SEC61A1: variants seen among roughly 807,000 people sequenced by gnomAD.
SEC61A1 encodes SEC61 translocon subunit alpha 1.
A neutral mutation model predicts 55.2 loss-of-function variants in SEC61A1; 15 were observed. The ratio of observed to expected loss-of-function variants is 0.27; its 90% CI spans 0.18 to 0.42. SEC61A1 has a LOEUF of 0.42. SEC61A1 is among the 10% of genes least tolerant of loss of function. The pLI is 1.00. For synonymous variants in SEC61A1, 247 were observed against 234.0 expected (o/e 1.06, Z -0.51); for missense variants, 284 against 602.6 (o/e 0.47, Z 5.53).
chr3:128,052,771 T>C (rs1941709320), intron 1 of SEC61A1, 64 bp from the exon 2 acceptor site: 1 of 1,549,198 alleles, frequency 6.5e-7, no homozygotes, highest in Non-Finnish European at 8.9e-7. Flanking sequence ...AAGGCGTCCC[T>C]GGGTAGCGCG....
intron 6 of SEC61A1, 73 bp from the exon 7 acceptor site, chr3:128,060,435 C>A: frequency 6.7e-7 from 1 of 1,498,644 alleles, no homozygotes; most frequent in Non-Finnish European, 9.2e-7. Context: ...ATCAGAGAAC[C>A]CAATTACTGA....
rs1370739274 is a variant in SEC61A1, at chr3:128,066,584, G to A, written c.778-370G>A. ...ACTACAGGCGCGCACCACCACACCC[G>A]GCCAGTTTTGTTTATTTTTTGTAGA... is the stretch of plus-strand genomic sequence containing the variant. On this transcript the variant is annotated intron_variant, in intron 8 of 11. Transcript: ENST00000243253. The A allele has an allele frequency of 2.2e-5, 5 of 228,358 alleles. No homozygotes were observed. The East Asian group carries it at 4.7e-4, about 21-fold the overall frequency. The allele number at this position is 228,358 out of a possible 1,614,324, so 14.1% of individuals were successfully genotyped here. A position where few individuals can be genotyped will look rare whatever the true frequency, so the allele number is the denominator to read the frequency against.
intron 8 of SEC61A1, among the ~76,000 whole-genome samples, chr3:128,066,322 G>A (rs1941976415): frequency 6.6e-6 from 1 of 152,086 alleles, no homozygotes; most frequent in Non-Finnish European, 1.5e-5. Context: ...TGGCCTCCAG[G>A]CTTTTCTCCA....
intron 7 of SEC61A1, among the ~76,000 whole-genome samples, chr3:128,063,919 A>T (rs1406687971): frequency 6.6e-6 from 1 of 151,876 alleles, no homozygotes; most frequent in Non-Finnish European, 1.5e-5. Flanking sequence ...CTCACTTGTT[A>T]CTCTGTTGTC....
intron 8 of SEC61A1, chr3:128,065,383 G>A: frequency 1.8e-6 from 1 of 553,508 alleles, no homozygotes; most frequent in Non-Finnish European, 3.2e-6. Flanking sequence ...TAGAAAGTTT[G>A]TATGATATTT....
Position 128,052,440 on chromosome 3 carries a change from G to C in SEC61A1, c.-113G>C. On this transcript the variant is annotated 5_prime_UTR_variant, in exon 1 of 12. Transcript: ENST00000243253. ...CGCTTGCCGCCGGGCTAGCACTGAC[G>C]TGTCTCTCGGCGGAGCTGCTGTGCA... is the stretch of plus-strand genomic sequence containing the variant. 7.0e-7 allele frequency: 1 copy of C among 1,419,786 alleles called. No homozygotes were observed. Among genetic ancestry groups the C allele is most frequent in the Non-Finnish European group, 9.2e-7 (1 of 1,083,854 alleles). 87.9% of individuals were successfully genotyped at this position (1,419,786 alleles called of 1,614,324 possible). A position where few individuals can be genotyped will look rare whatever the true frequency, so the allele number is the denominator to read the frequency against.
rs145595955 is a variant in SEC61A1, at chr3:128,070,364, C to T, written c.*702C>T. The T allele has an allele frequency of 1.3e-5, 2 of 152,360 alleles. No homozygotes were observed. The highest frequency in any genetic ancestry group is 1.3e-4 in the Admixed American group (2 of 15,304). 9.4% of individuals were successfully genotyped at this position (152,360 alleles called of 1,614,324 possible). On this transcript the variant is annotated 3_prime_UTR_variant, in exon 12 of 12. Coordinates refer to ENST00000243253, the MANE Select transcript of SEC61A1 (RefSeq NM_013336.4). ...AGAGTCTGCCTGTTTCTGCTAGCTC[C>T]GTGTTTAGTCCACTTGGGTCATCAG... is the stretch of plus-strand genomic sequence containing the variant.
At chr3:128,063,634 T>C (rs1941885436) in intron 7 of SEC61A1, among the ~76,000 whole-genome samples, 1 of 152,080 alleles carries the variant, frequency 6.6e-6, no homozygotes, top group Non-Finnish European at 1.5e-5. Flanking sequence ...CACGCCCGAC[T>C]CCTATTTGAC....
At position 128,067,175 on chromosome 3, in the gene SEC61A1, G is replaced by A; in HGVS notation, c.975+24G>A. On this transcript the variant is annotated intron_variant, in intron 9 of 11. Coordinates refer to ENST00000243253, the MANE Select transcript of SEC61A1 (RefSeq NM_013336.4). The surrounding 1 kb of genome is among the most constrained non-coding windows in gnomAD (Gnocchi z 4.1). ...CGGTAAGTAGGCTCTTTGAAGATGA[G>A]CTAGCAATGCAGCTAAGTTGCAGTG... 5.0e-6 allele frequency: 8 copies of A among 1,605,128 alleles called. No individual in the cohort carries two copies. Among genetic ancestry groups the A allele is most frequent in the Non-Finnish European group, 6.8e-6 (8 of 1,171,830 alleles).
chr3:128,057,444 G>A (rs547990600), intron 5 of SEC61A1, among the ~76,000 whole-genome samples: 22 of 152,308 alleles, frequency 1.4e-4, no homozygotes, highest in Non-Finnish European at 8.8e-5. Context: ...AGCACCCTTG[G>A]CCACCATTTC....
chr3:128,054,172 C>CTG (rs1265857381), intron 2 of SEC61A1, among the ~76,000 whole-genome samples: 1 of 152,122 alleles, frequency 6.6e-6, no homozygotes, highest in Non-Finnish European at 1.5e-5. Flanking sequence ...AGAGGATGAA[C>CTG]TGTGGTACTG....
intron 5 of SEC61A1, among the ~76,000 whole-genome samples, chr3:128,059,787 C>T (rs1941827659): frequency 6.6e-6 from 1 of 152,128 alleles, no homozygotes; most frequent in Non-Finnish European, 1.5e-5. Context: ...GGAGTAGGTT[C>T]TACTCCCTGA....
At position 128,067,401 on chromosome 3, in the gene SEC61A1, T is replaced by C. The variant is rs755879627; in HGVS notation, c.976-20T>C. 6.2e-7 allele frequency: 1 copy of C among 1,602,054 alleles called. No homozygotes were observed. On this transcript the variant is annotated intron_variant, in intron 9 of 11. Coordinates refer to ENST00000243253, the MANE Select transcript of SEC61A1 (RefSeq NM_013336.4). This position sits in a 1 kb window ranked among gnomAD's most constrained non-coding sequence, Gnocchi z 4.1. ...TAAAATGAAGGAGCACTCACATGCG[T>C]TTGGTTTCTTCTTCCCCAGGACACG...
intron 4 of SEC61A1, 33 bp downstream of exon 4, chr3:128,055,784 G>A (rs1941761306): frequency 5.2e-6 from 8 of 1,547,096 alleles, no homozygotes; most frequent in Non-Finnish European, 7.1e-6. Context: ...TCTCTGTAGA[G>A]TGTAGGCTTA....
At chr3:128,060,805 CAA>C in intron 7 of SEC61A1, 144 bp downstream of exon 7, 1 of 819,758 alleles carries the variant, frequency 1.2e-6, no homozygotes, top group Admixed American at 3.2e-5. Context: ...GGTCCATCTG[CAA>C]AGTTTTAAAA....
rs147461692 is a variant in SEC61A1 at position 128,069,515 on chromosome 3, C to T, written c.1284C>T (p.Ile428=). 40 of 1,613,494 alleles carry T rather than the reference C, an allele frequency of 2.5e-5. No individual in the cohort carries two copies. Among genetic ancestry groups the T allele is most frequent in the African/African-American group, 5.3e-5 (4 of 74,932 alleles). Residue 428 remains isoleucine, a synonymous_variant, in exon 12 of 12, where the codon ATC becomes ATT. Coordinates refer to ENST00000243253, the MANE Select transcript of SEC61A1 (RefSeq NM_013336.4). ...CCGCGGCCTTTGGTGGGCTGTGCAT[C>T]GGGGCCCTCTCGGTCCTGGCTGACT... ...PTAAAFGGLC[I]GALSVLADFL...
chr3:128,062,162 T>C (rs1396560598), intron 7 of SEC61A1, among the ~76,000 whole-genome samples: 2 of 152,168 alleles, frequency 1.3e-5, no homozygotes, highest in Non-Finnish European at 2.9e-5. Flanking sequence ...TTGAAGTCAG[T>C]GTGTCTACAT....
At position 128,067,150 on chromosome 3, in the gene SEC61A1, C is replaced by T. The variant is rs1559798784; in HGVS notation, c.974C>T (p.Ser325Leu). ...CTGGTCAGCCTGCTGGGCACCTGGT[C>T]GGTAAGTAGGCTCTTTGAAGATGAG... is the stretch of plus-strand genomic sequence containing the variant. ...NLLVSLLGTW[S>L]DTSSGGPARA... Residue 325 changes from serine to leucine, a missense_variant and splice_region_variant, in exon 9 of 12, where the codon TCG becomes TTG. Transcript: ENST00000243253. The surrounding 1 kb of genome is among the most constrained non-coding windows in gnomAD (Gnocchi z 4.1). The T allele has an allele frequency of 2.5e-6, 4 of 1,613,872 alleles. No homozygotes were observed. The South Asian group carries it at 3.3e-5, about 13-fold the overall frequency.
intron 5 of SEC61A1, among the ~76,000 whole-genome samples, chr3:128,058,490 A>G (rs1941806634): frequency 6.6e-6 from 1 of 152,202 alleles, no homozygotes; most frequent in Non-Finnish European, 1.5e-5. Flanking sequence ...CTGGGATTAC[A>G]GGCGTGAGCC....
Sources: allele counts gnomAD v4.1 joint callset (sites outside exome capture counted in the v4.1 genomes callset), GRCh38; gene constraint gnomAD v4.1.1; non-coding constraint Gnocchi (gnomAD v3.1); transcripts MANE v1.5; gene names NCBI Gene and HGNC (gene_info 2026-07-23, HGNC 2026-07-21).